NFASC: variants seen among roughly 807,000 people sequenced by gnomAD.
NFASC encodes the protein neurofascin homolog.
Under a neutral mutation model 147.5 loss-of-function variants are expected in NFASC, and 43 were observed. That is an observed-to-expected ratio of 0.29 (90% CI 0.23 to 0.38). The LOEUF (loss-of-function observed/expected upper bound fraction) is 0.38. Ranked by LOEUF, NFASC falls within the 10% of genes least tolerant of loss-of-function variation. The probability of loss-of-function intolerance (pLI) is 1.00; values close to 1 mark genes in which losing one functional copy is unlikely to be tolerated. For missense variants in NFASC, 1,320 were observed against 1,689.0 expected, an observed-to-expected ratio of 0.78 and a Z score of 3.83; for synonymous variants, 622 against 665.5, an observed-to-expected ratio of 0.93 and a Z score of 1.01.
rs55696242 is a variant in NFASC at position 204,972,384 on chromosome 1, G to T, written c.1136-892G>T. On this transcript the variant is annotated intron_variant, in intron 11 of 29. Transcript: ENST00000339876. The stretch of plus-strand genomic sequence containing the variant: ...ATTTTTGTTTTTACAGCTCATTATT[G>T]TTCTCTTATCTTAGCCTTTCTTAGA... Among the ~76,000 whole-genome samples, 839 of 152,188 alleles carry T rather than the reference G, an allele frequency of 5.5e-3. 12 individuals are homozygous for T. The highest frequency in any genetic ancestry group is 0.01 in the South Asian group (50 of 4,812).
intron 3 of NFASC, 66 bp downstream of exon 3, chr1:204,944,472 G>GGGGGGGGGC: frequency 2.5e-6 from 1 of 402,578 alleles, no homozygotes; most frequent in African/African-American, 2.1e-5. Flanking sequence ...GGAGGGGAGG[G>GGGGGGGGGC]AAGGTCAGAG....
Position 204,957,405 on chromosome 1 carries a change from G to A in NFASC, c.536-251G>A, listed in dbSNP as rs943057617. On this transcript the variant is annotated intron_variant, in intron 7 of 29. Coordinates refer to ENST00000339876, the MANE Select transcript of NFASC (RefSeq NM_001005388.3). ...TGTGGTCATAGAACATGGACATGGT[G>A]GGCAGGCAGGTCTGCATCTAAAATC... 3.3e-5 allele frequency among the ~76,000 whole-genome samples: 5 copies of A among 152,164 alleles called. No homozygotes were observed. In the East Asian group the frequency reaches 5.8e-4, roughly 18 times the overall value.
intron 24 of NFASC, among the ~76,000 whole-genome samples, chr1:204,994,474 T>C (rs11582848): frequency 0.3 from 45,515 of 151,980 alleles, 7,322 homozygotes; most frequent in South Asian, 0.41. Flanking sequence ...TGTTGGGGTA[T>C]GAGTGTGTGT....
intron 1 of NFASC, among the ~76,000 whole-genome samples, chr1:204,833,357 A>C (rs1349220777): frequency 6.6e-6 from 1 of 152,246 alleles, no homozygotes; most frequent in African/African-American, 2.4e-5. Flanking sequence ...TGAAGATTAC[A>C]GAACAGGTGA....
intron 1 of NFASC, among the ~76,000 whole-genome samples, chr1:204,833,429 T>C (rs1354663219): frequency 1.3e-5 from 2 of 152,220 alleles, no homozygotes; most frequent in East Asian, 3.9e-4. Flanking sequence ...TCCTCTCCCA[T>C]ATGTCGTACT....
At chr1:204,855,711 C>T (rs1348174230) in intron 1 of NFASC, among the ~76,000 whole-genome samples, 1 of 152,176 alleles carries the variant, frequency 6.6e-6, no homozygotes, top group Non-Finnish European at 1.5e-5. Flanking sequence ...CCTTGGACCT[C>T]ACCCTCCAAC....
chr1:204,997,231 T>C lies in NFASC; in HGVS notation c.2844T>C (p.Ala948=). The change falls in exon 25 of 30, where the codon GCT becomes GCC. Residue 948 remains alanine, a synonymous_variant. Transcript: ENST00000339876. Reference sequence around the variant, plus strand: ...CGGGCGCTGTGAGCAGTACCGATGCTACTGCCATTGCTGCCACCACCGAAG... The same window carrying C: ...CGGGCGCTGTGAGCAGTACCGATGCCACTGCCATTGCTGCCACCACCGAAG... ...GATGAVSSTD[A]TAIAATTEAT... is the part of the protein sequence containing the mutation. The C allele has an allele frequency of 3.1e-6, 5 of 1,613,766 alleles. No homozygotes were observed. The highest frequency in any genetic ancestry group is 4.2e-6 in the Non-Finnish European group (5 of 1,179,858).
At chr1:204,997,447 G>GCCT (rs1558421761) in intron 25 of NFASC, 41 bp downstream of exon 25, 1 of 1,550,766 alleles carries the variant, frequency 6.4e-7, no homozygotes. Context: ...CTCCTGGCCC[G>GCCT]CCTCCCCAGC....
intron 1 of NFASC, among the ~76,000 whole-genome samples, chr1:204,917,886 G>A (rs1311160111): frequency 6.6e-6 from 1 of 152,192 alleles, no homozygotes; most frequent in East Asian, 1.9e-4. Context: ...TAATCTGATT[G>A]CTAGAGGTGC....
chr1:204,876,223 C>G (rs2078759719), intron 1 of NFASC, among the ~76,000 whole-genome samples: 2 of 151,938 alleles, frequency 1.3e-5, no homozygotes, highest in African/African-American at 4.8e-5. Flanking sequence ...TGTATATGCC[C>G]CATGTAACCA....
intron 1 of NFASC, among the ~76,000 whole-genome samples, chr1:204,853,763 A>G (rs1039424366): frequency 6.6e-6 from 1 of 152,202 alleles, no homozygotes; most frequent in Admixed American, 6.5e-5. Flanking sequence ...GGGAGTCCCC[A>G]TGGTGAAGGT....
intron 1 of NFASC, among the ~76,000 whole-genome samples, chr1:204,913,900 A>T (rs141464446): frequency 3.9e-5 from 6 of 152,050 alleles, no homozygotes; most frequent in African/African-American, 1.4e-4. Flanking sequence ...CTCAAAAAAA[A>T]AAAAGAAAAG....
chr1:204,974,566 AG>A (rs1299767913), intron 13 of NFASC, 90 bp from the exon 14 acceptor site: 5 of 1,426,196 alleles, frequency 3.5e-6, no homozygotes, highest in Non-Finnish European at 4.0e-6. Flanking sequence ...CTCCTTCCAC[AG>A]CCCCCATGGT....
intron 1 of NFASC, among the ~76,000 whole-genome samples, chr1:204,874,723 C>T (rs2078410237): frequency 6.6e-6 from 1 of 152,222 alleles, no homozygotes; most frequent in Non-Finnish European, 1.5e-5. Flanking sequence ...GATTCAAGCA[C>T]ACTTTGCATG....
chr1:204,936,198 C>CTT lies in NFASC; in HGVS notation c.-90-8024_-90-8023dup, dbSNP rs749844237. Among the ~76,000 whole-genome samples, 206 of 71,852 alleles carry CTT rather than the reference C, an allele frequency of 2.9e-3. 16 individuals are homozygous for CTT. Among genetic ancestry groups the CTT allele is most frequent in the Middle Eastern group, 9.1e-3 (1 of 110 alleles). The allele number at this position is 71,852 out of a possible 152,430, so 47.1% of individuals were successfully genotyped here. On this transcript the variant is annotated intron_variant, in intron 2 of 29. Coordinates refer to ENST00000339876, the MANE Select transcript of NFASC (RefSeq NM_001005388.3). ...TAACAGATTCCCTCTCTCTCTCTTT[C>CTT]TTTTTCTTTTTTTTTTTTTTTGAGA...
chr1:204,939,033 G>T (rs1243513627), intron 2 of NFASC, among the ~76,000 whole-genome samples: 2 of 56,448 alleles, frequency 3.5e-5, no homozygotes, highest in African/African-American at 5.9e-5. Flanking sequence ...TTCCTGTATG[G>T]ATGGATGTGT....
At chr1:204,917,502 A>G (rs2089535818) in intron 1 of NFASC, among the ~76,000 whole-genome samples, 1 of 152,158 alleles carries the variant, frequency 6.6e-6, no homozygotes, top group African/African-American at 2.4e-5. Context: ...TTCTTTTGTT[A>G]AACAGTTTTC....
At chr1:204,937,561 C>G (rs1377224114) in intron 2 of NFASC, among the ~76,000 whole-genome samples, 7 of 152,168 alleles carry the variant, frequency 4.6e-5, no homozygotes, top group Non-Finnish European at 1.0e-4. Flanking sequence ...CAGTGTGCAG[C>G]CTTTTCAGAC....
chr1:204,934,911 G>A (rs760072481), intron 2 of NFASC, among the ~76,000 whole-genome samples: 58 of 152,332 alleles, frequency 3.8e-4, no homozygotes, highest in Non-Finnish European at 5.9e-4. Context: ...ATGGGTGCTG[G>A]CTATGCAGCC....
Sources: gnomAD v4.1 joint callset for allele counts (sites outside exome capture counted in the v4.1 genomes callset) on GRCh38, gnomAD v4.1.1 for gene constraint, MANE v1.5 for transcripts, NCBI Gene and HGNC (gene_info 2026-07-23, HGNC 2026-07-21) for gene names.